Variants in KLRG1 observed in about 807,000 individuals in gnomAD.
The protein encoded by KLRG1 is killer cell lectin-like receptor subfamily G member 1.
A neutral mutation model predicts 21.8 loss-of-function variants in KLRG1; 16 were observed. The ratio of observed to expected loss-of-function variants is 0.73; its 90% CI spans 0.50 to 1.11. The LOEUF is 1.11. KLRG1 is among the 50% of genes most tolerant of loss of function. The pLI, the probability that KLRG1 is intolerant of heterozygous loss-of-function variation, is 0.00. For synonymous variants in KLRG1, 69 were observed against 75.9 expected (o/e 0.91, Z 0.47); for missense variants, 173 against 218.3 (o/e 0.79, Z 1.31).
chr12:9,091,475 C>T, the KLRG1 span: 1 of 1,594,924 alleles, frequency 6.3e-7, no homozygotes, highest in Non-Finnish European at 8.6e-7. Flanking sequence ...CAGTTAAATA[C>T]ATCCTTTCTA....
chr12:9,046,914 G>C, the KLRG1 span, among the ~76,000 whole-genome samples: 1 of 152,180 alleles, frequency 6.6e-6, no homozygotes, highest in African/African-American at 2.4e-5. Flanking sequence ...GAGTGCAGTG[G>C]TACAATCACA....
At chr12:9,157,716 C>T in the KLRG1 span, 1 of 1,535,112 alleles carries the variant, frequency 6.5e-7, no homozygotes, top group Non-Finnish European at 9.0e-7. Flanking sequence ...GCATTCCAGA[C>T]AGCAAATCTA....
At chr12:8,983,623 A>T (rs968331657) in intron 1 of KLRG1, among the ~76,000 whole-genome samples, 14 of 151,976 alleles carry the variant, frequency 9.2e-5, no homozygotes, top group Admixed American at 8.5e-4. Context: ...CTGGTCTCGA[A>T]CTGGTGAGCT....
At chr12:9,001,168 A>G (rs1399716706) in intron 3 of KLRG1, among the ~76,000 whole-genome samples, 1 of 152,190 alleles carries the variant, frequency 6.6e-6, no homozygotes, top group Non-Finnish European at 1.5e-5. Flanking sequence ...ACATGTTTTC[A>G]AGTGAAACAT....
chr12:9,145,942 A>T, the KLRG1 span, among the ~76,000 whole-genome samples: 1 of 151,884 alleles, frequency 6.6e-6, no homozygotes, highest in Non-Finnish European at 1.5e-5. Context: ...CTTACAAGTC[A>T]CTGTTCTCTT....
intron 1 of KLRG1, among the ~76,000 whole-genome samples, chr12:8,982,562 C>A (rs1028587635): frequency 2.0e-5 from 3 of 151,974 alleles, no homozygotes; most frequent in African/African-American, 7.3e-5. Context: ...TATTGGTTTG[C>A]ACATTGTATA....
the KLRG1 span, among the ~76,000 whole-genome samples, chr12:9,204,567 A>G: frequency 2.0e-5 from 3 of 152,132 alleles, no homozygotes; most frequent in East Asian, 5.8e-4. Context: ...GATACAGCTC[A>G]GTCAAAGTCA....
chr12:9,012,627 T>C (rs1369839019), downstream of KLRG1, among the ~76,000 whole-genome samples: 1 of 151,530 alleles, frequency 6.6e-6, no homozygotes, highest in African/African-American at 2.4e-5. Flanking sequence ...TAAGGAGAGA[T>C]TTAACCCAAG....
chr12:9,185,790 ATTTCTTTTCT>A, the KLRG1 span, among the ~76,000 whole-genome samples: 6 of 134,266 alleles, frequency 4.5e-5, no homozygotes, highest in Non-Finnish European at 7.8e-5. Flanking sequence ...TATGTTCAAC[ATTTCTTTTCT>A]TTTCTTTTCT....
At chr12:9,107,950 C>G in the KLRG1 span, among the ~76,000 whole-genome samples, 1 of 151,514 alleles carries the variant, frequency 6.6e-6, no homozygotes, top group African/African-American at 2.4e-5. Flanking sequence ...GAAACAATAC[C>G]AGCAAGACGA....
the KLRG1 span, among the ~76,000 whole-genome samples, chr12:9,060,487 C>G: frequency 6.6e-6 from 1 of 152,070 alleles, no homozygotes; most frequent in African/African-American, 2.4e-5. Flanking sequence ...TGCCTGTTAG[C>G]CCAACGTGGT....
the KLRG1 span, chr12:9,052,683 G>A: frequency 2.7e-6 from 1 of 376,228 alleles, no homozygotes; most frequent in Non-Finnish European, 5.2e-6. Context: ...TAAGGGTATG[G>A]ACTCTGGAGC....
the KLRG1 span, among the ~76,000 whole-genome samples, chr12:9,036,034 A>G: frequency 1.3e-5 from 2 of 152,160 alleles, no homozygotes; most frequent in African/African-American, 2.4e-5. Context: ...AAAACTGTCT[A>G]TTGGGTACTG....
chr12:9,184,242 G>A, the KLRG1 span, among the ~76,000 whole-genome samples: 2 of 152,118 alleles, frequency 1.3e-5, no homozygotes, highest in African/African-American at 4.8e-5. Flanking sequence ...CAGGCACTAA[G>A]CTCGCCAACC....
chr12:8,980,226 TTTTG>T (rs1197044064), intron 1 of KLRG1, among the ~76,000 whole-genome samples: 1 of 151,990 alleles, frequency 6.6e-6, no homozygotes, highest in Non-Finnish European at 1.5e-5. Flanking sequence ...GCCCTGTTTT[TTTTG>T]TTTTTTTGTT....
the KLRG1 span, among the ~76,000 whole-genome samples, chr12:9,134,591 C>T: frequency 6.6e-6 from 1 of 152,086 alleles, no homozygotes; most frequent in Non-Finnish European, 1.5e-5. Flanking sequence ...CAGTTTAGCC[C>T]CTGATAACCA....
At chr12:9,115,761 C>CA in the KLRG1 span, 16 of 1,610,626 alleles carry the variant, frequency 9.9e-6, no homozygotes, top group Non-Finnish European at 1.4e-5. Context: ...GTGTGGAACT[C>CA]ACGGTTTTCC....
At chr12:9,053,916 A>G in the KLRG1 span, among the ~76,000 whole-genome samples, 5 of 152,136 alleles carry the variant, frequency 3.3e-5, no homozygotes, top group East Asian at 9.6e-4. Context: ...GTCCTGATGA[A>G]TTCATTCTCC....
the KLRG1 span, among the ~76,000 whole-genome samples, chr12:9,081,931 G>T: frequency 6.6e-6 from 1 of 152,180 alleles, no homozygotes. Flanking sequence ...CAACTGCATA[G>T]CCCATCTGCA....
Sources: gnomAD v4.1 joint callset for allele counts (sites outside exome capture counted in the v4.1 genomes callset) on GRCh38, gnomAD v4.1.1 for gene constraint, MANE v1.5 for transcripts, NCBI Gene and HGNC (gene_info 2026-07-23, HGNC 2026-07-21) for gene names.